The following HNMT variants were observed in gnomAD, a reference collection of about 807,000 sequenced individuals.
HNMT encodes the protein histamine N-methyltransferase.
A neutral mutation model predicts 32.1 loss-of-function variants in HNMT; 30 were observed. That is an observed-to-expected ratio of 0.93 (90% CI 0.70 to 1.27). The LOEUF (loss-of-function observed/expected upper bound fraction) is 1.27, where lower values mean the gene tolerates loss of function less well. Ranked by LOEUF, HNMT falls within the 50% of genes most tolerant of loss-of-function variation. The pLI is 0.00. For missense variants in HNMT, 327 were observed against 346.0 expected, an observed-to-expected ratio of 0.95 and a Z score of 0.43; for synonymous variants, 125 against 119.0, an observed-to-expected ratio of 1.05 and a Z score of -0.33.
chr2:138,002,247 A>C, intron 4 of HNMT, 53 bp downstream of exon 4: 1 of 1,227,058 alleles, frequency 8.1e-7, no homozygotes, highest in South Asian at 2.0e-5. Flanking sequence ...TTCAGAATAT[A>C]TATATAATGA....
chr2:137,995,700 A>C (rs1469784527), intron 2 of HNMT, among the ~76,000 whole-genome samples: 1 of 152,176 alleles, frequency 6.6e-6, no homozygotes, highest in African/African-American at 2.4e-5. Flanking sequence ...GAAATCAAGA[A>C]GAGACACAAC....
intron 5 of HNMT, among the ~76,000 whole-genome samples, chr2:138,008,116 C>A (rs1282848494): frequency 1.3e-5 from 2 of 151,924 alleles, no homozygotes; most frequent in Non-Finnish European, 1.5e-5. Context: ...CAATAATAAT[C>A]TTTTCTGCTC....
chr2:137,967,686 C>CA (rs1680001963), intron 1 of HNMT: 1 of 152,138 alleles, frequency 6.6e-6, no homozygotes. Context: ...AACTTTTATT[C>CA]ATCAAATACT....
At chr2:137,975,131 C>G (rs746720392) in intron 2 of HNMT, among the ~76,000 whole-genome samples, 1 of 152,120 alleles carries the variant, frequency 6.6e-6, no homozygotes, top group Non-Finnish European at 1.5e-5. Flanking sequence ...TGAGACAGCT[C>G]TCAATCAATT....
intron 4 of HNMT, among the ~76,000 whole-genome samples, chr2:138,004,074 T>C (rs1681262375): frequency 6.6e-6 from 1 of 152,066 alleles, no homozygotes; most frequent in African/African-American, 2.4e-5. Context: ...ACTCTTATGA[T>C]ACTTTTACAA....
intron 2 of HNMT, among the ~76,000 whole-genome samples, chr2:137,985,980 TA>T (rs1680640724): frequency 6.6e-6 from 1 of 151,900 alleles, no homozygotes; most frequent in Non-Finnish European, 1.5e-5. Context: ...AAAAATAAAA[TA>T]AAATTAAAAT....
chr2:138,002,724 G>A (rs1288800106), intron 4 of HNMT: 2 of 809,188 alleles, frequency 2.5e-6, no homozygotes, highest in East Asian at 2.5e-4. Context: ...TGGAATTACA[G>A]GTGTGAGCCA....
At chr2:137,993,693 C>T (rs1680896250) in intron 2 of HNMT, among the ~76,000 whole-genome samples, 1 of 152,064 alleles carries the variant, frequency 6.6e-6, no homozygotes, top group Admixed American at 6.5e-5. Context: ...TAAGATACTC[C>T]ACAAGAAATT....
chr2:137,988,503 A>G (rs970432972), intron 2 of HNMT: 8 of 152,180 alleles, frequency 5.3e-5, no homozygotes, highest in African/African-American at 1.9e-4. Flanking sequence ...TAAATGTTAA[A>G]TGGTTAAACA....
At chr2:138,001,674 C>T (rs940905258) in intron 3 of HNMT, among the ~76,000 whole-genome samples, 6 of 152,028 alleles carry the variant, frequency 3.9e-5, no homozygotes, top group African/African-American at 1.4e-4. Flanking sequence ...TTTTAGCTTG[C>T]GGTTCATACA....
chr2:138,005,142 A>T lies in HNMT; in HGVS notation c.440A>T (p.Tyr147Phe), dbSNP rs376127850. The T allele has an allele frequency of 1.3e-6, 2 of 1,565,260 alleles. No homozygotes were observed. Among genetic ancestry groups the T allele is most frequent in the South Asian group, 2.2e-5 (2 of 89,944 alleles). ...TTTCCTCCTTTCTAGATGCTGTATT[A>T]TGTAAAAGACATCCCAGCTACCCTG... ...DFIHMIQMLY[Y>F]VKDIPATLKF... The change falls in exon 5 of 6, where the codon TAT becomes TTT. Residue 147 changes from tyrosine to phenylalanine, a missense_variant. Transcript: ENST00000280097.
intron 1 of HNMT, 130 bp from the exon 2 acceptor site, chr2:137,970,035 G>T: frequency 1.9e-6 from 1 of 537,754 alleles, no homozygotes. Flanking sequence ...TGATATAATT[G>T]GGACATTTCA....
intron 2 of HNMT, chr2:137,981,170 G>A: frequency 6.3e-7 from 1 of 1,577,206 alleles, no homozygotes; most frequent in African/African-American, 1.3e-5. Flanking sequence ...TCGAATGGCA[G>A]GAGATATGGC....
chr2:138,013,865 C>T lies in HNMT; in HGVS notation c.614C>T (p.Thr205Ile), dbSNP rs757110344. Reference sequence around the variant, plus strand: ...CAGTATATCACATCAGATGACCTCACTCAGATGCTGGACAACCTAGGGCTT... The same window carrying T: ...CAGTATATCACATCAGATGACCTCATTCAGATGCTGGACAACCTAGGGCTT... The part of the protein sequence containing the change: ...LCQYITSDDL[T>I]QMLDNLGLKY... Residue 205 changes from threonine (T) to isoleucine (I), a missense_variant, in exon 6 of 6, where the codon ACT becomes ATT. Thr to Ile is a moderately conservative substitution (Grantham distance 89). Transcript: ENST00000280097. The T allele has an allele frequency of 1.7e-5, 27 of 1,613,630 alleles. No individual in the cohort carries two copies. Among genetic ancestry groups the T allele is most frequent in the Non-Finnish European group, 2.3e-5 (27 of 1,179,776 alleles).
At chr2:137,973,682 TC>T (rs929155504) in intron 2 of HNMT, among the ~76,000 whole-genome samples, 7 of 152,102 alleles carry the variant, frequency 4.6e-5, no homozygotes, top group African/African-American at 1.7e-4. Context: ...CTACCACTTC[TC>T]CCACCGTGCT....
chr2:138,013,521 C>T (rs529869206), intron 5 of HNMT, among the ~76,000 whole-genome samples: 42 of 152,218 alleles, frequency 2.8e-4, no homozygotes, highest in African/African-American at 9.6e-4. Flanking sequence ...ACAGACTCTG[C>T]GACCACCCTA....
At chr2:138,002,368 T>G (rs964665161) in intron 4 of HNMT, 174 bp downstream of exon 4, 30 of 1,036,294 alleles carry the variant, frequency 2.9e-5, no homozygotes, top group Admixed American at 4.5e-5. Flanking sequence ...TATACTAAGA[T>G]TCTCTTTAAC....
intron 2 of HNMT, among the ~76,000 whole-genome samples, chr2:137,973,829 G>A (rs553335915): frequency 2.1e-4 from 32 of 152,056 alleles, no homozygotes; most frequent in Non-Finnish European, 3.8e-4. Context: ...GCAGGGAGGG[G>A]ATGCACATAT....
At chr2:137,996,544 A>G (rs1681001130) in intron 2 of HNMT, among the ~76,000 whole-genome samples, 1 of 152,240 alleles carries the variant, frequency 6.6e-6, no homozygotes, top group South Asian at 2.1e-4. Flanking sequence ...ATGGAAAAAC[A>G]TTCCATCCTC....
Sources: gnomAD v4.1 joint callset for allele counts (sites outside exome capture counted in the v4.1 genomes callset) on GRCh38, gnomAD v4.1.1 for gene constraint, MANE v1.5 for transcripts, NCBI Gene and HGNC (gene_info 2026-07-23, HGNC 2026-07-21) for gene names.